The following CSMD1 variants were observed in gnomAD, a reference collection of about 807,000 sequenced individuals.
CSMD1 encodes CUB and sushi domain-containing protein 1.
CSMD1 carries 213 observed loss-of-function variants against 417.5 expected under a neutral mutation model. The ratio of observed to expected loss-of-function variants is 0.51; its 90% CI spans 0.46 to 0.57. CSMD1 has a LOEUF of 0.57. Ranked by LOEUF, CSMD1 falls within the 20% of genes least tolerant of loss-of-function variation. CSMD1 has a pLI of 0.00. For missense variants in CSMD1, 6,923 were observed against 4,529.7 expected (o/e 1.53, Z -15.17); for synonymous variants, 2,862 against 1,736.8 (o/e 1.65, Z -16.11).
intron 55 of CSMD1, 113 bp downstream of exon 55, chr8:2,978,499 G>A (rs1039941099): frequency 1.3e-6 from 1 of 796,088 alleles, no homozygotes; most frequent in East Asian, 2.7e-5. Context: ...ATTGGTGATG[G>A]GAGGACAGAA....
intron 1 of CSMD1, among the ~76,000 whole-genome samples, chr8:4,765,088 C>T (rs17419135): frequency 0.37 from 56,753 of 151,904 alleles, 11,804 homozygotes; most frequent in Admixed American, 0.56. Flanking sequence ...AGGTATGCAA[C>T]GCATGGGCTC....
chr8:3,232,993 C>T (rs1467332584), intron 26 of CSMD1, among the ~76,000 whole-genome samples: 2 of 151,572 alleles, frequency 1.3e-5, no homozygotes, highest in African/African-American at 2.4e-5. Flanking sequence ...TTTTATAAAC[C>T]TCATACATTA....
intron 1 of CSMD1, among the ~76,000 whole-genome samples, chr8:4,955,631 T>C (rs1444449198): frequency 1.3e-5 from 2 of 152,088 alleles, no homozygotes; most frequent in Non-Finnish European, 2.9e-5. Context: ...AATTTTTGTA[T>C]TTTTAATAGA....
intron 23 of CSMD1, among the ~76,000 whole-genome samples, chr8:3,323,839 G>A (rs1371667201): frequency 6.7e-6 from 1 of 150,158 alleles, no homozygotes; most frequent in African/African-American, 2.5e-5. Context: ...ATTCATCATT[G>A]TTAAAACAGA....
chr8:4,741,090 T>C lies in CSMD1; in HGVS notation c.86-103532A>G, dbSNP rs778503846. ...TGCTTTAAGGAATGAAAATATTAAA[T>C]TGGCTCACAAGATCCATCCTAGTAT... On this transcript the variant is annotated intron_variant, in intron 1 of 69. Transcript: ENST00000635120. 2.0e-5 allele frequency among the ~76,000 whole-genome samples: 3 copies of C among 152,320 alleles called. No homozygotes were observed. The East Asian group carries it at 5.8e-4, about 29-fold the overall frequency.
intron 2 of CSMD1, among the ~76,000 whole-genome samples, chr8:4,423,782 C>G (rs1433105028): frequency 1.3e-5 from 2 of 151,844 alleles, no homozygotes; most frequent in African/African-American, 4.8e-5. Flanking sequence ...AAGAATAAAG[C>G]AGGAGAAACA....
intron 12 of CSMD1, among the ~76,000 whole-genome samples, chr8:3,438,749 C>A (rs974714279): frequency 1.3e-5 from 2 of 152,090 alleles, no homozygotes; most frequent in East Asian, 1.9e-4. Context: ...TGAACAGAAG[C>A]CTTCACTTCT....
Position 4,159,156 on chromosome 8 carries a change from T to C in CSMD1, c.416-127057A>G, listed in dbSNP as rs187772071. 4.6e-3 allele frequency among the ~76,000 whole-genome samples: 694 copies of C among 152,224 alleles called. 5 individuals carry two copies. The highest frequency in any genetic ancestry group is 0.016 in the African/African-American group (653 of 41,522). ...GTCTTGAACTCCCAACTTCAGGTAATCCACCTGTCTCGGCCTCCCAAAGTG... is the reference window on the plus strand; with the variant it reads ...GTCTTGAACTCCCAACTTCAGGTAACCCACCTGTCTCGGCCTCCCAAAGTG... On this transcript the variant is annotated intron_variant, in intron 3 of 69. Transcript: ENST00000635120.
intron 1 of CSMD1, among the ~76,000 whole-genome samples, chr8:4,691,670 A>G (rs1045930806): frequency 1.3e-5 from 2 of 152,196 alleles, no homozygotes; most frequent in Non-Finnish European, 2.9e-5. Context: ...TGAAAGGAAC[A>G]TCTACCTGCC....
At chr8:4,850,382 CTTTTTTTTTTTT>C in intron 1 of CSMD1, among the ~76,000 whole-genome samples, 1 of 77,826 alleles carries the variant, frequency 1.3e-5, no homozygotes, top group Admixed American at 1.5e-4. Flanking sequence ...TCCAATTTAT[CTTTTTTTTTTTT>C]TTTTTTTTTT....
At chr8:4,003,382 G>A (rs983189857) in intron 4 of CSMD1, among the ~76,000 whole-genome samples, 2 of 151,374 alleles carry the variant, frequency 1.3e-5, no homozygotes, top group South Asian at 2.1e-4. Context: ...GACACAGCAA[G>A]ACACTGTCTC....
In CSMD1 at chr8:4,793,663, G is replaced by A. The variant is rs554729452; in HGVS notation, c.86-156105C>T. The stretch of plus-strand genomic sequence containing the variant: ...TATTGCTGTCAATAGCAATGTTGAC[G>A]CCTCTGCTCAGGAGAAGAAAGTGTA... On this transcript the variant is annotated intron_variant, in intron 1 of 69. Transcript: ENST00000635120. Among the ~76,000 whole-genome samples, 114 of 152,076 alleles carry A rather than the reference G, an allele frequency of 7.5e-4. 1 individual carries two copies. Among genetic ancestry groups the A allele is most frequent in the Non-Finnish European group, 2.9e-4 (20 of 67,984 alleles).
intron 5 of CSMD1, among the ~76,000 whole-genome samples, chr8:3,841,882 C>T (rs1803160776): frequency 1.3e-5 from 2 of 151,946 alleles, no homozygotes; most frequent in Non-Finnish European, 2.9e-5. Context: ...GGGTTGGCCA[C>T]ACTGGCCACG....
chr8:3,172,277 T>A (rs1384759637), intron 37 of CSMD1, among the ~76,000 whole-genome samples: 1 of 152,228 alleles, frequency 6.6e-6, no homozygotes, highest in Non-Finnish European at 1.5e-5. Context: ...ACAAATGTGC[T>A]GGGTTCTTTT....
intron 10 of CSMD1, among the ~76,000 whole-genome samples, chr8:3,511,484 T>G (rs780850260): frequency 2.6e-5 from 4 of 151,660 alleles, no homozygotes; most frequent in Non-Finnish European, 5.9e-5. Flanking sequence ...GCCAGGCACG[T>G]TGGCTCACGG....
At chr8:4,226,246 A>G (rs1801347700) in intron 3 of CSMD1, among the ~76,000 whole-genome samples, 1 of 152,232 alleles carries the variant, frequency 6.6e-6, no homozygotes, top group African/African-American at 2.4e-5. Context: ...AAAAAGTAAA[A>G]TAGTGTATTA....
intron 3 of CSMD1, among the ~76,000 whole-genome samples, chr8:4,275,844 A>G (rs554722113): frequency 5.9e-5 from 9 of 152,356 alleles, no homozygotes; most frequent in East Asian, 3.9e-4. Flanking sequence ...GTTATATTTT[A>G]TATGTTATTC....
At chr8:4,316,891 G>A (rs1001437460) in intron 3 of CSMD1, among the ~76,000 whole-genome samples, 3 of 152,080 alleles carry the variant, frequency 2.0e-5, no homozygotes, top group East Asian at 1.9e-4. Flanking sequence ...ATCTTGGGGT[G>A]GGGGAATCTT....
chr8:3,325,236 C>T (rs564799519), intron 23 of CSMD1, among the ~76,000 whole-genome samples: 1 of 152,318 alleles, frequency 6.6e-6, no homozygotes, highest in South Asian at 2.1e-4. Context: ...ACAAATGAAC[C>T]TTGCAAATGC....
Sources: allele counts gnomAD v4.1 joint callset (sites outside exome capture counted in the v4.1 genomes callset), GRCh38; gene constraint gnomAD v4.1.1; transcripts MANE v1.5; gene names NCBI Gene and HGNC (gene_info 2026-07-23, HGNC 2026-07-21).